DPYSL2: variants seen among roughly 807,000 people sequenced by gnomAD.
The protein encoded by DPYSL2 is dihydropyrimidinase like 2, also known as dihydropyrimidinase-related protein 2.
DPYSL2 carries 13 observed loss-of-function variants against 69.9 expected under a neutral mutation model. The observed-to-expected ratio is 0.19, with a 90% CI of 0.12 to 0.30. The LOEUF (loss-of-function observed/expected upper bound fraction) is 0.30. DPYSL2 is among the 10% of genes least tolerant of loss of function. The pLI is 1.00. For synonymous variants in DPYSL2, 326 were observed against 359.1 expected (o/e 0.91, Z 1.04); for missense variants, 587 against 918.9 (o/e 0.64, Z 4.67).
rs56924259 is a variant in DPYSL2, at chr8:26,652,478, AT to A, written c.1776+44del. On this transcript the variant is annotated intron_variant, in intron 12 of 13. Transcript: ENST00000521913. The surrounding 1 kb of genome is among the most constrained non-coding windows in gnomAD (Gnocchi z 6.3). The stretch of plus-strand genomic sequence containing the variant: ...TGATGAATTTTTTGTTAAATCACGA[AT>A]TAAGTTCAAGGCCACAAACATTTAT... The A allele has an allele frequency of 4.6e-4, 714 of 1,563,432 alleles. 6 individuals are homozygous for A. The African/African-American group carries it at 8.8e-3, about 19-fold the overall frequency.
intron 8 of DPYSL2, 145 bp downstream of exon 8, chr8:26,635,045 G>A (rs1802877563): frequency 8.3e-6 from 10 of 1,200,570 alleles, no homozygotes; most frequent in Admixed American, 2.6e-5. Flanking sequence ...AATTACAGCC[G>A]GGCAAGGCAG....
chr8:26,645,753 T>C (rs1160045155), intron 10 of DPYSL2, among the ~76,000 whole-genome samples: 1 of 152,164 alleles, frequency 6.6e-6, no homozygotes, highest in Non-Finnish European at 1.5e-5. Flanking sequence ...TTTCACCATA[T>C]TGGCCAGGCT....
In DPYSL2 at chr8:26,654,403, A is replaced by G. The variant is rs2130002745; in HGVS notation, c.1942+1006A>G. 6.6e-6 allele frequency among the ~76,000 whole-genome samples: 1 copy of G among 152,278 alleles called. No individual in the cohort carries two copies. The highest frequency in any genetic ancestry group is 1.5e-5 in the Non-Finnish European group (1 of 68,016). On this transcript the variant is annotated intron_variant, in intron 13 of 13. Transcript: ENST00000521913. The surrounding 1 kb of genome is among the most constrained non-coding windows in gnomAD (Gnocchi z 5.0). ...GCCACAGATTCCTATGGCGTATTAA[A>G]GAAATTGTTAAACCAGAGAGAATTT...
rs1801612494 is a variant in DPYSL2, at chr8:26,586,695, C to T, written c.628+2712C>T. On this transcript the variant is annotated intron_variant, in intron 3 of 13. Coordinates refer to ENST00000521913, the MANE Select transcript of DPYSL2 (RefSeq NM_001197293.3). This position sits in a 1 kb window ranked among gnomAD's most constrained non-coding sequence, Gnocchi z 4.7. ...GTTTAGGGACGAGGGACATCCCCCT[C>T]TGAGTGCAGCACCTGGCCCAGGGAG... 6.6e-6 allele frequency among the ~76,000 whole-genome samples: 1 copy of T among 152,216 alleles called. No homozygotes were observed. Among genetic ancestry groups the T allele is most frequent in the South Asian group, 2.1e-4 (1 of 4,832 alleles).
At chr8:26,559,899 A>C (rs544626289) in intron 1 of DPYSL2, among the ~76,000 whole-genome samples, 71 of 152,312 alleles carry the variant, frequency 4.7e-4, no homozygotes, top group Non-Finnish European at 9.0e-4. Flanking sequence ...TCAGGGTTGC[A>C]GGGAGGAGCC....
At chr8:26,578,174 AC>A in intron 1 of DPYSL2, 2 of 1,605,832 alleles carry the variant, frequency 1.2e-6, no homozygotes, top group Non-Finnish European at 1.7e-6. Context: ...ACAAAACAAA[AC>A]AAAAAAAACC....
rs1416888670 is a variant in DPYSL2, at chr8:26,624,691, C to T, written c.793+384C>T. On this transcript the variant is annotated intron_variant, in intron 4 of 13. Transcript: ENST00000521913. This position sits in a 1 kb window ranked among gnomAD's most constrained non-coding sequence, Gnocchi z 4.7. ...TATCTCAGTGAGGATTTGACAGTCTCAGGAGAGTGTTGGGCAGCCCCTTCC... is the reference window on the plus strand; with the variant it reads ...TATCTCAGTGAGGATTTGACAGTCTTAGGAGAGTGTTGGGCAGCCCCTTCC... Among the ~76,000 whole-genome samples, 2 of 152,188 alleles carry T rather than the reference C, an allele frequency of 1.3e-5. No individual in the cohort carries two copies. Among genetic ancestry groups the T allele is most frequent in the Non-Finnish European group, 2.9e-5 (2 of 68,028 alleles).
intron 1 of DPYSL2, among the ~76,000 whole-genome samples, chr8:26,525,222 T>C (rs908994305): frequency 3.3e-5 from 5 of 152,166 alleles, no homozygotes; most frequent in Non-Finnish European, 7.3e-5. Flanking sequence ...GTTTTTGAAA[T>C]TGTTGGGTTG....
chr8:26,577,113 A>T (rs996901631), intron 1 of DPYSL2: 8 of 441,492 alleles, frequency 1.8e-5, no homozygotes, highest in Non-Finnish European at 3.6e-5. Context: ...CCTTCCCCGG[A>T]TGCCTCCTTC....
Position 26,565,064 on chromosome 8 carries a change from G to T in DPYSL2, c.355-16905G>T, listed in dbSNP as rs1456129237. Among the ~76,000 whole-genome samples the T allele has an allele frequency of 1.3e-5, 2 of 152,020 alleles. No individual in the cohort carries two copies. The highest frequency in any genetic ancestry group is 2.9e-5 in the Non-Finnish European group (2 of 68,024). On this transcript the variant is annotated intron_variant, in intron 1 of 13. Coordinates refer to ENST00000521913, the MANE Select transcript of DPYSL2 (RefSeq NM_001197293.3). This position sits in a 1 kb window ranked among gnomAD's most constrained non-coding sequence, Gnocchi z 4.1. ...TTGTGTTACTTCACTTAGAATAATGGCTTCCAGCTCCACCCGAATTACTGC... is the reference window on the plus strand; with the variant it reads ...TTGTGTTACTTCACTTAGAATAATGTCTTCCAGCTCCACCCGAATTACTGC...
At chr8:26,557,324 T>G (rs1309960916) in intron 1 of DPYSL2, among the ~76,000 whole-genome samples, 1 of 151,936 alleles carries the variant, frequency 6.6e-6, no homozygotes, top group East Asian at 1.9e-4. Context: ...TTATCCAAAA[T>G]GTACAAAGAA....
Position 26,655,768 on chromosome 8 carries a change from C to T in DPYSL2, c.*62C>T. 4 of 1,124,792 alleles carry T rather than the reference C, an allele frequency of 3.6e-6. No individual in the cohort carries two copies. Among genetic ancestry groups the T allele is most frequent in the Admixed American group, 4.7e-5 (2 of 42,174 alleles). 69.7% of individuals were successfully genotyped at this position (1,124,792 alleles called of 1,614,324 possible). ...TGGGACACCTGAGGACATTCTGAGACTTCTTTCTTCCTTCCTTTTTTTTTT... is the reference window on the plus strand; with the variant it reads ...TGGGACACCTGAGGACATTCTGAGATTTCTTTCTTCCTTCCTTTTTTTTTT... On this transcript the variant is annotated 3_prime_UTR_variant, in exon 14 of 14. Coordinates refer to ENST00000521913, the MANE Select transcript of DPYSL2 (RefSeq NM_001197293.3).
At position 26,580,982 on chromosome 8, in the gene DPYSL2, C is replaced by T. The variant is rs188847359; in HGVS notation, c.355-987C>T. Among the ~76,000 whole-genome samples the T allele has an allele frequency of 4.1e-4, 63 of 152,214 alleles. No homozygotes were observed. The highest frequency in any genetic ancestry group is 1.2e-3 in the African/African-American group (48 of 41,530). ...CTTTATTTTTTAGCATAAATATCAC[C>T]GGTTAAAATATAAGTGCATCAGCAA... On this transcript the variant is annotated intron_variant, in intron 1 of 13. Transcript: ENST00000521913. The surrounding 1 kb of genome is among the most constrained non-coding windows in gnomAD (Gnocchi z 4.1).
intron 1 of DPYSL2, among the ~76,000 whole-genome samples, chr8:26,579,719 C>T (rs115002899): frequency 0.013 from 1,985 of 152,200 alleles, 46 homozygotes; most frequent in African/African-American, 0.043. Context: ...AGGCAAAAGA[C>T]CCAAGATCCC....
chr8:26,632,759 G>A (rs1802807909), intron 7 of DPYSL2, among the ~76,000 whole-genome samples: 1 of 152,242 alleles, frequency 6.6e-6, no homozygotes, highest in South Asian at 2.1e-4. Flanking sequence ...ACCCATGCAA[G>A]ACGTCCCTGT....
At chr8:26,631,904 G>A (rs753169768) in intron 7 of DPYSL2, among the ~76,000 whole-genome samples, 16 of 152,230 alleles carry the variant, frequency 1.1e-4, no homozygotes, top group Non-Finnish European at 1.5e-4. Context: ...TAAACCCTGT[G>A]TGGGTGATAA....
At chr8:26,552,004 C>T (rs567372508) in intron 1 of DPYSL2, among the ~76,000 whole-genome samples, 22 of 151,990 alleles carry the variant, frequency 1.4e-4, no homozygotes, top group African/African-American at 2.9e-4. Context: ...TATAGAGACG[C>T]GGTCTGACTA....
chr8:26,644,112 T>G lies in DPYSL2; in HGVS notation c.1425+21T>G, dbSNP rs1335611727. 1 of 1,612,034 alleles carries G rather than the reference T, an allele frequency of 6.2e-7. No individual in the cohort carries two copies. The highest frequency in any genetic ancestry group is 1.1e-5 in the South Asian group (1 of 90,824). ...CTGTGGTAAGGAGCGATGGCCTCAC[T>G]CCTTGGTGGCTCTCAGCCTTCCTTG... On this transcript the variant is annotated intron_variant, in intron 10 of 13. Transcript: ENST00000521913. The surrounding 1 kb of genome is among the most constrained non-coding windows in gnomAD (Gnocchi z 4.5).
At chr8:26,556,241 A>C (rs371968469) in intron 1 of DPYSL2, among the ~76,000 whole-genome samples, 6 of 4,710 alleles carry the variant, frequency 1.3e-3, no homozygotes, top group Non-Finnish European at 1.8e-3. Flanking sequence ...TATTTATATA[A>C]TATATATAGT....
Sources: allele counts gnomAD v4.1 joint callset (sites outside exome capture counted in the v4.1 genomes callset), GRCh38; gene constraint gnomAD v4.1.1; non-coding constraint Gnocchi (gnomAD v3.1); transcripts MANE v1.5; gene names NCBI Gene and HGNC (gene_info 2026-07-23, HGNC 2026-07-21).